SLC12A5: variants seen among roughly 807,000 people sequenced by gnomAD.
The protein encoded by SLC12A5 is K-Cl cotransporter 2.
In SLC12A5, 18 loss-of-function variants were observed where a neutral mutation model predicts 124.0. The observed-to-expected ratio is 0.15, with a 90% CI of 0.10 to 0.22. SLC12A5 has a LOEUF of 0.22. SLC12A5 is among the 10% of genes least tolerant of loss of function. SLC12A5 has a pLI of 1.00. For missense variants in SLC12A5, 867 were observed against 1,478.7 expected, an observed-to-expected ratio of 0.59 and a Z score of 6.78; for synonymous variants, 589 against 568.0, an observed-to-expected ratio of 1.04 and a Z score of -0.53.
upstream of SLC12A5, among the ~76,000 whole-genome samples, chr20:46,024,740 C>A (rs2084382401): frequency 6.6e-6 from 1 of 152,260 alleles, no homozygotes; most frequent in Non-Finnish European, 1.5e-5. Context: ...AGCCTCAAAT[C>A]TGCCACTAAC....
upstream of SLC12A5, chr20:46,028,994 C>T (rs540624427): frequency 3.5e-5 from 16 of 459,270 alleles, no homozygotes; most frequent in South Asian, 9.0e-4. Context: ...CTTCATCCCA[C>T]CCACGCAATC....
Position 46,056,792 on chromosome 20 carries a change from G to A in SLC12A5, c.3111-105G>A. 1 of 1,316,416 alleles carries A rather than the reference G, an allele frequency of 7.6e-7. No individual in the cohort carries two copies. The highest frequency in any genetic ancestry group is 1.1e-6 in the Non-Finnish European group (1 of 914,766). 81.5% of individuals were successfully genotyped at this position (1,316,416 alleles called of 1,614,324 possible). A position where few individuals can be genotyped will look rare whatever the true frequency, so the allele number is the denominator to read the frequency against. ...GGTGAAGGGTGTGGGGGCTGGCAGAGCAGGACTCAGGGCAGATGACCATGG... is the reference window on the plus strand; with the variant it reads ...GGTGAAGGGTGTGGGGGCTGGCAGAACAGGACTCAGGGCAGATGACCATGG... On this transcript the variant is annotated intron_variant, in intron 23 of 25. Coordinates refer to ENST00000243964, the MANE Select transcript of SLC12A5 (RefSeq NM_020708.5). This position sits in a 1 kb window ranked among gnomAD's most constrained non-coding sequence, Gnocchi z 4.3.
upstream of SLC12A5, chr20:46,029,009 A>C: frequency 1.7e-6 from 1 of 581,670 alleles, no homozygotes; most frequent in Non-Finnish European, 2.4e-6. Flanking sequence ...GCAATCCCCC[A>C]GTTTTTGTGC....
chr20:46,043,250 C>T lies in SLC12A5; in HGVS notation c.1164C>T (p.Asp388=), dbSNP rs766783234. 19 of 1,613,926 alleles carry T rather than the reference C, an allele frequency of 1.2e-5. No homozygotes were observed. The highest frequency in any genetic ancestry group is 1.5e-5 in the Non-Finnish European group (18 of 1,180,000). Residue 388 remains aspartate, a synonymous_variant, in exon 9 of 26, where the codon GAC becomes GAT. Coordinates refer to ENST00000243964, the MANE Select transcript of SLC12A5 (RefSeq NM_020708.5). ...GLADGTPIDM[D]HPYVFSDMTS... is the part of the protein sequence containing the mutation. ...CCGATGGCACTCCTATCGACATGGACCACCCTTATGTCTTCAGTGATATGA... is the reference window on the plus strand; with the variant it reads ...CCGATGGCACTCCTATCGACATGGATCACCCTTATGTCTTCAGTGATATGA...
Position 46,045,185 on chromosome 20 carries a change from G to A in SLC12A5, c.1569+45G>A, listed in dbSNP as rs956671084. On this transcript the variant is annotated intron_variant, in intron 12 of 25. Coordinates refer to ENST00000243964, the MANE Select transcript of SLC12A5 (RefSeq NM_020708.5). The surrounding 1 kb of genome is among the most constrained non-coding windows in gnomAD (Gnocchi z 4.9). ...AGCCCACCCTCAGTAGACCAGCCAG[G>A]CCCCTGCCCAGAGAGACCACACAGT... The A allele has an allele frequency of 3.9e-6, 6 of 1,520,738 alleles. No homozygotes were observed. Among genetic ancestry groups the A allele is most frequent in the Middle Eastern group, 1.8e-4 (1 of 5,624 alleles). The allele number at this position is 1,520,738 out of a possible 1,614,324, so 94.2% of individuals were successfully genotyped here. A position where few individuals can be genotyped will look rare whatever the true frequency, so the allele number is the denominator to read the frequency against.
Position 46,056,495 on chromosome 20 carries a change from T to C in SLC12A5, c.3041T>C (p.Val1014Ala), listed in dbSNP as rs1274575759. Residue 1014 changes from valine (V) to alanine (A), a missense_variant, in exon 23 of 26, where the codon GTG (valine) becomes GCG (alanine). Transcript: ENST00000243964. The surrounding 1 kb of genome is among the most constrained non-coding windows in gnomAD (Gnocchi z 4.3). ...VHLTWTKDKS[V>A]AEKNKGPSPV... is the part of the protein sequence containing the mutation. ...CTCACCTGGACCAAGGACAAGTCGG[T>C]GGCAGAGAAGAATAAGGGCCCCAGT... 6.2e-7 allele frequency: 1 copy of C among 1,614,084 alleles called. No homozygotes were observed. The highest frequency in any genetic ancestry group is 1.7e-5 in the Admixed American group (1 of 60,018).
Position 46,059,637 on chromosome 20 carries a change from A to T in SLC12A5, c.*2032A>T, listed in dbSNP as rs556144569. 2 of 399,080 alleles carry T rather than the reference A, an allele frequency of 5.0e-6. 1 individual carries two copies. Among genetic ancestry groups the T allele is most frequent in the African/African-American group, 4.1e-5 (2 of 48,760 alleles). 24.7% of individuals were successfully genotyped at this position (399,080 alleles called of 1,614,324 possible). A position where few individuals can be genotyped will look rare whatever the true frequency, so the allele number is the denominator to read the frequency against. ...CAAGAGCAAAGTTTCCGTTGATGAA[A>T]CAGACATCCCACAACAAAAACCCAA... On this transcript the variant is annotated 3_prime_UTR_variant, in exon 26 of 26. Transcript: ENST00000243964.
At position 46,058,918 on chromosome 20, in the gene SLC12A5, C is replaced by A; in HGVS notation, c.*1313C>A. The stretch of plus-strand genomic sequence containing the variant: ...TAGCAGCGGCCTCTAGCTCCGTCTC[C>A]CGGGGACCTGGGCCTGAGGGAGGGC... On this transcript the variant is annotated 3_prime_UTR_variant, in exon 26 of 26. Coordinates refer to ENST00000243964, the MANE Select transcript of SLC12A5 (RefSeq NM_020708.5). This position sits in a 1 kb window ranked among gnomAD's most constrained non-coding sequence, Gnocchi z 5.8. 5.1e-6 allele frequency: 2 copies of A among 395,578 alleles called. No individual in the cohort carries two copies. The highest frequency in any genetic ancestry group is 8.9e-6 in the Non-Finnish European group (2 of 224,766). The allele number at this position is 395,578 out of a possible 1,614,324, so 24.5% of individuals were successfully genotyped here. A position where few individuals can be genotyped will look rare whatever the true frequency, so the allele number is the denominator to read the frequency against.
At chr20:46,054,127 G>C (rs1275679980) in intron 20 of SLC12A5, among the ~76,000 whole-genome samples, 1 of 152,170 alleles carries the variant, frequency 6.6e-6, no homozygotes, top group Non-Finnish European at 1.5e-5. Context: ...ACACCTAGCT[G>C]GTACAGCCTA....
intron 14 of SLC12A5, 101 bp from the exon 15 acceptor site, chr20:46,047,353 T>C (rs1225090561): frequency 6.0e-6 from 9 of 1,512,210 alleles, no homozygotes; most frequent in East Asian, 2.3e-5. Context: ...ACCTCCCAGG[T>C]CTTGCCCATG....
At chr20:46,046,266 T>A in intron 13 of SLC12A5, 72 bp from the exon 14 acceptor site, 1 of 1,363,528 alleles carries the variant, frequency 7.3e-7, no homozygotes. Context: ...CCCCTTTCTC[T>A]GCCCATGCTG....
rs778476586 is a variant in SLC12A5 at position 46,056,379 on chromosome 20, C to A, written c.2925C>A (p.His975Gln). The A allele has an allele frequency of 2.6e-5, 42 of 1,610,738 alleles. No homozygotes were observed. Among genetic ancestry groups the A allele is most frequent in the Non-Finnish European group, 3.4e-5 (40 of 1,178,164 alleles). ...TCATCCCTCAGGTGCAGCTGATCCA[C>A]GATCAGAGTGCTCCCAGCTGCCCCA... ...EKPEEEVQLIHDQSAPSCPSS... is the reference protein window; with the variant it reads ...EKPEEEVQLIQDQSAPSCPSS... Residue 975 changes from histidine (H) to glutamine (Q), a missense_variant, in exon 23 of 26, where the codon CAC becomes CAA. His to Gln is a conservative substitution (Grantham distance 24). Coordinates refer to ENST00000243964, the MANE Select transcript of SLC12A5 (RefSeq NM_020708.5). The surrounding 1 kb of genome is among the most constrained non-coding windows in gnomAD (Gnocchi z 4.3).
In SLC12A5 at chr20:46,041,513, C is replaced by A; in HGVS notation, c.1039C>A (p.Pro347Thr). The A allele has an allele frequency of 6.2e-7, 1 of 1,614,046 alleles. No homozygotes were observed. Among genetic ancestry groups the A allele is most frequent in the Non-Finnish European group, 8.5e-7 (1 of 1,180,000 alleles). The change falls in exon 8 of 26, where the codon CCT (proline) becomes ACT (threonine). Residue 347 changes from proline to threonine, a missense_variant. Around this residue, in one of 9 missense-constraint regions of SLC12A5, gnomAD observed 127 missense variants for 164.1 expected, o/e 0.77. Transcript: ENST00000243964. ...CAATGTCACAGAGATCCAGGGCATC[C>A]CTGGTGCTGCCAGTGGCCTCATCAA... ...RNNVTEIQGI[P>T]GAASGLIKEN...
In SLC12A5 at chr20:46,056,186, C is replaced by T. The variant is rs1267557723; in HGVS notation, c.2824C>T (p.Arg942Trp). The T allele has an allele frequency of 3.1e-6, 5 of 1,614,124 alleles. No individual in the cohort carries two copies. The highest frequency in any genetic ancestry group is 1.1e-5 in the South Asian group (1 of 91,074). Residue 942 changes from arginine to tryptophan, a missense_variant, in exon 22 of 26, where the codon CGG (arginine) becomes TGG (tryptophan). Arg to Trp is a moderately radical substitution (Grantham distance 101, BLOSUM62 -3). This residue lies in a region of SLC12A5 where 180 missense variants were observed against 243.6 expected (regional missense o/e 0.74). Coordinates refer to ENST00000243964, the MANE Select transcript of SLC12A5 (RefSeq NM_020708.5). The surrounding 1 kb of genome is among the most constrained non-coding windows in gnomAD (Gnocchi z 4.3). ...SITDESRGSI[R>W]RKNPANTRLR... ...CACAGATGAGTCACGAGGCTCAATC[C>T]GGAGAAAGAATCCAGCCAACACGCG... is the stretch of plus-strand genomic sequence containing the variant.
At position 46,046,321 on chromosome 20, in the gene SLC12A5, G is replaced by C; in HGVS notation, c.1689-17G>C. On this transcript the variant is annotated splice_polypyrimidine_tract_variant and intron_variant, in intron 13 of 25. Coordinates refer to ENST00000243964, the MANE Select transcript of SLC12A5 (RefSeq NM_020708.5). ...CCTTTGCATCTCTGTCTCCCCTGGG[G>C]CCTTCCTGTGTTCCAGGTTCTTCCT... is the stretch of plus-strand genomic sequence containing the variant. 1 of 1,610,444 alleles carries C rather than the reference G, an allele frequency of 6.2e-7. No homozygotes were observed. The highest frequency in any genetic ancestry group is 8.5e-7 in the Non-Finnish European group (1 of 1,176,764).
At chr20:46,050,272 A>T (rs754074474) in intron 17 of SLC12A5, among the ~76,000 whole-genome samples, 2 of 152,220 alleles carry the variant, frequency 1.3e-5, no homozygotes, top group Non-Finnish European at 2.9e-5. Context: ...GCTTGCTGAA[A>T]GTCAGAAAGC....
intron 8 of SLC12A5, among the ~76,000 whole-genome samples, 170 bp from the exon 9 acceptor site, chr20:46,042,983 C>T (rs1031133963): frequency 6.6e-6 from 1 of 152,008 alleles, no homozygotes; most frequent in African/African-American, 2.4e-5. Flanking sequence ...CATAGCCTGG[C>T]CCAAATCAGG....
intron 11 of SLC12A5, 151 bp downstream of exon 11, chr20:46,044,084 T>C (rs1387376555): frequency 4.7e-6 from 3 of 635,186 alleles, no homozygotes; most frequent in Non-Finnish European, 7.9e-6. Flanking sequence ...CATCTTCTTA[T>C]ATTTCATCTT....
At position 46,053,805 on chromosome 20, in the gene SLC12A5, G is replaced by A. The variant is rs1043927818; in HGVS notation, c.2679+96G>A. On this transcript the variant is annotated intron_variant, in intron 20 of 25. Transcript: ENST00000243964. This position sits in a 1 kb window ranked among gnomAD's most constrained non-coding sequence, Gnocchi z 4.7. ...GCAACTCTAACACCCATCAGCTTAT[G>A]ATGCTGGATCCTTTCCCCCTCATCC... The A allele has an allele frequency of 8.9e-6, 12 of 1,341,662 alleles. No homozygotes were observed. In the Admixed American group the frequency reaches 2.7e-4, roughly 31 times the overall value. 83.1% of individuals were successfully genotyped at this position (1,341,662 alleles called of 1,614,324 possible).
Sources: allele counts gnomAD v4.1 joint callset (sites outside exome capture counted in the v4.1 genomes callset), GRCh38; gene constraint gnomAD v4.1.1; regional missense constraint gnomAD v4.1.1; non-coding constraint Gnocchi (gnomAD v3.1); transcripts MANE v1.5; gene names NCBI Gene and HGNC (gene_info 2026-07-23, HGNC 2026-07-21).